CDH10: variants seen among roughly 807,000 people sequenced by gnomAD.
The protein encoded by CDH10 is cadherin-10.
Under a neutral mutation model 73.1 loss-of-function variants are expected in CDH10, and 30 were observed. The observed-to-expected ratio is 0.41, with a 90% CI of 0.31 to 0.56. CDH10 has a LOEUF of 0.56. Among genes scored for constraint, CDH10 ranks in the 20% least tolerant of loss-of-function variants. The pLI is 0.27. For synonymous variants in CDH10, 345 were observed against 348.2 expected, an observed-to-expected ratio of 0.99 and a Z score of 0.10; for missense variants, 815 against 973.7, an observed-to-expected ratio of 0.84 and a Z score of 2.17.
At chr5:24,539,614 C>T (rs1362738688) in intron 2 of CDH10, among the ~76,000 whole-genome samples, 1 of 152,020 alleles carries the variant, frequency 6.6e-6, no homozygotes, top group African/African-American at 2.4e-5. Context: ...TGGGCATATA[C>T]TTTGGAGAAA....
chr5:24,590,086 A>G (rs942195819), intron 2 of CDH10, among the ~76,000 whole-genome samples: 10 of 152,012 alleles, frequency 6.6e-5, no homozygotes, highest in African/African-American at 2.4e-4. Flanking sequence ...AAGCTCTTAC[A>G]CTAAATATAT....
At chr5:24,605,263 TG>T (rs1365990619) in intron 1 of CDH10, among the ~76,000 whole-genome samples, 2 of 152,356 alleles carry the variant, frequency 1.3e-5, no homozygotes, top group Admixed American at 1.3e-4. Context: ...GTCTATGACC[TG>T]TTAGGAACCG....
chr5:24,607,472 G>A lies in CDH10; in HGVS notation c.-123-13859C>T, dbSNP rs188204956. 3.7e-4 allele frequency among the ~76,000 whole-genome samples: 56 copies of A among 152,268 alleles called. No individual in the cohort carries two copies. In the Middle Eastern group the frequency reaches 0.01, roughly 28 times the overall value. On this transcript the variant is annotated intron_variant, in intron 1 of 11. Coordinates refer to ENST00000264463, the MANE Select transcript of CDH10 (RefSeq NM_006727.5). ...AAAAAACCACCGTCAGGTGTCTGTT[G>A]TTCCTACTTTATTCACACAGAAAGT... is the stretch of plus-strand genomic sequence containing the variant.
chr5:24,527,693 T>C (rs756983833), intron 5 of CDH10, among the ~76,000 whole-genome samples: 4 of 151,852 alleles, frequency 2.6e-5, no homozygotes, highest in Non-Finnish European at 5.9e-5. Flanking sequence ...AAAAAATAAG[T>C]ATTGGTATTC....
chr5:24,599,740 G>C (rs1431519498), intron 1 of CDH10, among the ~76,000 whole-genome samples: 2 of 152,008 alleles, frequency 1.3e-5, no homozygotes, highest in African/African-American at 4.8e-5. Flanking sequence ...AGATCTTTAC[G>C]CAAGGATAAG....
intron 2 of CDH10, among the ~76,000 whole-genome samples, chr5:24,546,172 T>G (rs552269729): frequency 6.6e-6 from 1 of 151,266 alleles, no homozygotes; most frequent in Non-Finnish European, 1.5e-5. Context: ...ATGCTATCCT[T>G]GAAAAAACTT....
rs10473687 is a variant in CDH10, at chr5:24,490,527, A to G, written c.1876+1049T>C. Among the ~76,000 whole-genome samples the G allele has an allele frequency of 8.8e-3, 1,346 of 152,248 alleles. 26 individuals carry two copies. Among genetic ancestry groups the G allele is most frequent in the African/African-American group, 0.031 (1,275 of 41,566 alleles). On this transcript the variant is annotated intron_variant, in intron 11 of 11. Transcript: ENST00000264463. ...ATTCATTTAATGATTTATCTACCAT[A>G]AGTAATTTACCTTTCTGTTATTTAA...
At chr5:24,601,632 C>T (rs1210949069) in intron 1 of CDH10, among the ~76,000 whole-genome samples, 2 of 151,994 alleles carry the variant, frequency 1.3e-5, no homozygotes, top group Non-Finnish European at 2.9e-5. Context: ...ATCTAAATTC[C>T]ACAGATTGCT....
At chr5:24,535,047 T>C (rs2111875052) in intron 5 of CDH10, 65 bp downstream of exon 5, 1 of 1,381,648 alleles carries the variant, frequency 7.2e-7, no homozygotes, top group Non-Finnish European at 9.8e-7. Context: ...TCTTTTTCTT[T>C]CTTTGTCTGT....
intron 5 of CDH10, among the ~76,000 whole-genome samples, chr5:24,525,224 A>G (rs1743485176): frequency 1.3e-5 from 2 of 151,998 alleles, no homozygotes; most frequent in African/African-American, 4.8e-5. Context: ...GTTGATAAAA[A>G]CCAATAAAGT....
intron 2 of CDH10, chr5:24,578,526 T>G: frequency 3.1e-6 from 1 of 318,802 alleles, no homozygotes; most frequent in Non-Finnish European, 6.3e-6. Context: ...CTCTGATCCA[T>G]TAGAACTGCT....
chr5:24,535,844 T>C, intron 3 of CDH10, 22 bp from the exon 4 acceptor site: 1 of 1,599,224 alleles, frequency 6.3e-7, no homozygotes, highest in Non-Finnish European at 8.5e-7. Flanking sequence ...AAATTCAGCT[T>C]AGTTCTGCAC....
At chr5:24,591,869 C>G (rs1746211206) in intron 2 of CDH10, among the ~76,000 whole-genome samples, 1 of 151,798 alleles carries the variant, frequency 6.6e-6, no homozygotes, top group African/African-American at 2.4e-5. Flanking sequence ...TCATAAAGTA[C>G]TAGATGAAGG....
chr5:24,507,889 C>T (rs1422755497), intron 7 of CDH10, among the ~76,000 whole-genome samples: 1 of 151,950 alleles, frequency 6.6e-6, no homozygotes, highest in Non-Finnish European at 1.5e-5. Context: ...ACCTGTGATG[C>T]TGTGTGTGAA....
At chr5:24,581,719 A>G (rs949516871) in intron 2 of CDH10, among the ~76,000 whole-genome samples, 2 of 152,212 alleles carry the variant, frequency 1.3e-5, no homozygotes, top group East Asian at 3.9e-4. Context: ...ATACGTGGTT[A>G]TAATCATCCA....
At chr5:24,596,712 T>C (rs2112103292) in intron 1 of CDH10, among the ~76,000 whole-genome samples, 1 of 152,098 alleles carries the variant, frequency 6.6e-6, no homozygotes, top group East Asian at 1.9e-4. Context: ...ATAAACTATC[T>C]CCCCACTAAT....
At chr5:24,495,354 T>C (rs2111664301) in intron 9 of CDH10, among the ~76,000 whole-genome samples, 1 of 152,326 alleles carries the variant, frequency 6.6e-6, no homozygotes, top group Middle Eastern at 3.4e-3. Flanking sequence ...TTGATTTCTG[T>C]CTTCACTGGG....
chr5:24,601,294 T>G (rs1746554574), intron 1 of CDH10, among the ~76,000 whole-genome samples: 1 of 152,114 alleles, frequency 6.6e-6, no homozygotes, highest in Non-Finnish European at 1.5e-5. Context: ...AAGGAAACAG[T>G]TTAAGAGTAA....
chr5:24,617,795 G>A (rs1272806188), intron 1 of CDH10, among the ~76,000 whole-genome samples: 1 of 152,144 alleles, frequency 6.6e-6, no homozygotes. Context: ...CCCTGCAGAA[G>A]AGATGATACC....
Sources: allele counts gnomAD v4.1 joint callset (sites outside exome capture counted in the v4.1 genomes callset), GRCh38; gene constraint gnomAD v4.1.1; transcripts MANE v1.5; gene names NCBI Gene and HGNC (gene_info 2026-07-23, HGNC 2026-07-21).